The following FDFT1 variants were observed in gnomAD, a reference collection of about 807,000 sequenced individuals.
The protein encoded by FDFT1 is squalene synthase.
In FDFT1, 68 loss-of-function variants were observed where a neutral mutation model predicts 46.8. The ratio of observed to expected loss-of-function variants is 1.45; its 90% CI spans 1.19 to 1.78. The LOEUF is 1.78. Among genes scored for constraint, FDFT1 ranks in the 40% most tolerant of loss-of-function variants. FDFT1 has a pLI of 0.00. For synonymous variants in FDFT1, 351 were observed against 185.1 expected (o/e 1.90, Z -7.28); for missense variants, 928 against 524.4 (o/e 1.77, Z -7.52).
chr8:11,821,442 T>A (rs373718532), intron 3 of FDFT1, among the ~76,000 whole-genome samples: 5 of 152,210 alleles, frequency 3.3e-5, no homozygotes, highest in African/African-American at 1.2e-4. Flanking sequence ...AATATAAAAA[T>A]TAGCTGGGCG....
chr8:11,837,399 T>C (rs916479293), intron 7 of FDFT1, among the ~76,000 whole-genome samples: 1 of 152,136 alleles, frequency 6.6e-6, no homozygotes, highest in Non-Finnish European at 1.5e-5. Flanking sequence ...GCCCGGCTAA[T>C]TTTTGTACAT....
At chr8:11,808,195 C>T (rs1293301) in intron 1 of FDFT1, 198,381 of 1,033,784 alleles carry the variant, frequency 0.19, 20,426 homozygotes, top group Middle Eastern at 0.24. Context: ...AAGTCCAGGC[C>T]TTATTGGGAA....
intron 4 of FDFT1, among the ~76,000 whole-genome samples, chr8:11,823,430 C>G (rs1563325281): frequency 6.6e-6 from 1 of 151,964 alleles, no homozygotes; most frequent in Non-Finnish European, 1.5e-5. Context: ...TATAGCTGTC[C>G]AAAGCCAATT....
At chr8:11,800,101 A>G (rs55848834), upstream of FDFT1, among the ~76,000 whole-genome samples, 8,098 of 150,716 alleles carry the variant, frequency 0.054, 307 homozygotes, top group Middle Eastern at 0.078. Flanking sequence ...CTCTACTAAA[A>G]ATCGAAAAAT....
intron 7 of FDFT1, among the ~76,000 whole-genome samples, chr8:11,834,275 C>G (rs1028666497): frequency 6.6e-6 from 1 of 152,198 alleles, no homozygotes; most frequent in Non-Finnish European, 1.5e-5. Flanking sequence ...GGCCCTCACC[C>G]CACTCTGGAG....
intron 1 of FDFT1, chr8:11,803,833 G>A (rs1333810078): frequency 5.6e-5 from 9 of 159,388 alleles, no homozygotes; most frequent in Admixed American, 5.4e-4. Flanking sequence ...TTTGTCCCCA[G>A]TAGACTACAC....
At chr8:11,834,427 G>A (rs1486699157) in intron 7 of FDFT1, among the ~76,000 whole-genome samples, 1 of 152,174 alleles carries the variant, frequency 6.6e-6, no homozygotes, top group African/African-American at 2.4e-5. Flanking sequence ...TTGGCAGGGA[G>A]AATCTTGTTC....
At chr8:11,827,612 TAAGAA>T (rs532671930) in intron 5 of FDFT1, among the ~76,000 whole-genome samples, 55 of 151,736 alleles carry the variant, frequency 3.6e-4, no homozygotes, top group Admixed American at 6.6e-4. Context: ...TTCTAAAAGT[TAAGAA>T]AAAGGCCAAC....
In FDFT1 at chr8:11,808,900, T is replaced by C. The variant is rs781580185; in HGVS notation, c.197+9T>C. The C allele has an allele frequency of 1.2e-6, 2 of 1,612,408 alleles. No individual in the cohort carries two copies. The highest frequency in any genetic ancestry group is 1.1e-5 in the South Asian group (1 of 90,586). On this transcript the variant is annotated intron_variant, in intron 2 of 7. Coordinates refer to ENST00000220584, the MANE Select transcript of FDFT1 (RefSeq NM_004462.5). ...CTGGATGGGGAAATGCGGTGAGTGA[T>C]GGAGGCAGCGCCTCTGGCTTGGAGG... is the stretch of plus-strand genomic sequence containing the variant.
intron 5 of FDFT1, among the ~76,000 whole-genome samples, chr8:11,829,771 A>C (rs1208138009): frequency 6.6e-6 from 1 of 152,212 alleles, no homozygotes; most frequent in African/African-American, 2.4e-5. Context: ...ATGGAGCTTA[A>C]AATGAACTTG....
Position 11,830,295 on chromosome 8 carries a change from ATTGAC to A in FDFT1, c.758_762del (p.Asp253GlyfsTer7). 1 of 1,613,998 alleles carries A rather than the reference ATTGAC, an allele frequency of 6.2e-7. No homozygotes were observed. Among genetic ancestry groups the A allele is most frequent in the Non-Finnish European group, 8.5e-7 (1 of 1,179,874 alleles). On this transcript the variant is annotated frameshift_variant, in exon 6 of 8. Transcript: ENST00000220584. LOFTEE classifies it high-confidence loss of function. ...AGGGGATTTTGCTAAGCCGGAGAAT[ATTGAC>A]TTGGCCGTGCAGTGCCTGAATGAAC...
chr8:11,822,610 T>TA (rs1809419064), intron 4 of FDFT1, among the ~76,000 whole-genome samples: 1 of 152,130 alleles, frequency 6.6e-6, no homozygotes, highest in Admixed American at 6.5e-5. Context: ...GCCCAGGAGT[T>TA]AGACACAAGC....
In FDFT1 at chr8:11,822,451, C is replaced by G. The variant is rs1234253589; in HGVS notation, c.510+573C>G. 2.0e-5 allele frequency among the ~76,000 whole-genome samples: 3 copies of G among 152,170 alleles called. 1 individual carries two copies. The highest frequency in any genetic ancestry group is 1.3e-4 in the Admixed American group (2 of 15,278). The stretch of plus-strand genomic sequence containing the variant: ...AACCTCAAAACTTGACAGCAGTTAT[C>G]TTTGGAACTGCTGATTTGTGCTTCC... On this transcript the variant is annotated intron_variant, in intron 4 of 7. Transcript: ENST00000220584.
At chr8:11,811,027 C>T (rs898244362) in intron 3 of FDFT1, among the ~76,000 whole-genome samples, 5 of 150,094 alleles carry the variant, frequency 3.3e-5, no homozygotes, top group Non-Finnish European at 1.5e-5. Flanking sequence ...CCTTAAGTAC[C>T]AAAGCCCAAA....
intron 3 of FDFT1, among the ~76,000 whole-genome samples, chr8:11,811,754 G>A (rs1439434787): frequency 6.6e-6 from 1 of 152,250 alleles, no homozygotes; most frequent in Non-Finnish European, 1.5e-5. Flanking sequence ...CGTAAGCCAG[G>A]CACGGCTGTT....
chr8:11,836,708 C>T (rs1196761806), intron 7 of FDFT1, among the ~76,000 whole-genome samples: 1 of 152,252 alleles, frequency 6.6e-6, no homozygotes, highest in Non-Finnish European at 1.5e-5. Flanking sequence ...AGAATTATCT[C>T]ATCACTATAT....
chr8:11,814,966 C>G (rs909827845), intron 3 of FDFT1, among the ~76,000 whole-genome samples: 5 of 152,000 alleles, frequency 3.3e-5, no homozygotes, highest in African/African-American at 4.8e-5. Flanking sequence ...TTTGCTACAC[C>G]CATCAACTCG....
intron 7 of FDFT1, among the ~76,000 whole-genome samples, chr8:11,836,580 C>T (rs915445942): frequency 6.6e-6 from 1 of 152,258 alleles, no homozygotes. Context: ...TGTTTCACTT[C>T]TCCACTCGTT....
At chr8:11,801,721 T>C, upstream of FDFT1, 1 of 311,798 alleles carries the variant, frequency 3.2e-6, no homozygotes, top group East Asian at 9.8e-5. Flanking sequence ...GGAGACGTAG[T>C]CTTGCTCTGT....
Sources: allele counts gnomAD v4.1 joint callset (sites outside exome capture counted in the v4.1 genomes callset), GRCh38; gene constraint gnomAD v4.1.1; transcripts MANE v1.5; gene names NCBI Gene and HGNC (gene_info 2026-07-23, HGNC 2026-07-21).